Variants in SP1 observed in about 807,000 individuals in gnomAD.
SP1 encodes transcription factor Sp1.
A neutral mutation model predicts 66.3 loss-of-function variants in SP1; 6 were observed. The ratio of observed to expected loss-of-function variants is 0.09; its 90% CI spans 0.05 to 0.18. The LOEUF (loss-of-function observed/expected upper bound fraction) is 0.18. Ranked by LOEUF, SP1 falls within the 10% of genes least tolerant of loss-of-function variation. The probability of loss-of-function intolerance (pLI) is 1.00; values close to 1 mark genes in which losing one functional copy is unlikely to be tolerated. For missense variants in SP1, 848 were observed against 964.5 expected (o/e 0.88, Z 1.60); for synonymous variants, 417 against 360.8 (o/e 1.16, Z -1.77).
chr12:53,382,304 C>T lies in SP1; in HGVS notation c.357C>T (p.Thr119=), dbSNP rs754621329. The change falls in exon 3 of 6, where the codon ACC becomes ACT. Residue 119 remains threonine, a synonymous_variant. Coordinates refer to ENST00000327443, the MANE Select transcript of SP1 (RefSeq NM_138473.3). ...IISSSSGATP[T]SKEQSGSSTN... ...CTTCCTCCTCTGGGGCTACCCCTAC[C>T]TCAAAGGAACAGAGTGGCAGCAGTA... 6.2e-7 allele frequency: 1 copy of T among 1,614,202 alleles called. No homozygotes were observed. The highest frequency in any genetic ancestry group is 8.5e-7 in the Non-Finnish European group (1 of 1,180,036).
intron 3 of SP1, among the ~76,000 whole-genome samples, chr12:53,385,286 CCT>C (rs1938200588): frequency 7.5e-6 from 1 of 133,694 alleles, no homozygotes; most frequent in African/African-American, 2.8e-5. Context: ...AGAGCAAGAC[CCT>C]GTCTCAAAAA....
At position 53,406,658 on chromosome 12, in the gene SP1, G is replaced by A. The variant is rs754436857; in HGVS notation, c.1749G>A (p.Glu583=). ...TACATGATGACACAGCAGGTGGAGA[G>A]GAAGGAGAAAACAGCCCAGATGCCC... ...DGIHDDTAGG[E]EGENSPDAQP... is the part of the protein sequence containing the mutation. The change falls in exon 4 of 6, where the codon GAG becomes GAA. Residue 583 remains glutamate (E), a synonymous_variant. Coordinates refer to ENST00000327443, the MANE Select transcript of SP1 (RefSeq NM_138473.3). The A allele has an allele frequency of 1.9e-6, 3 of 1,614,104 alleles. No individual in the cohort carries two copies. The highest frequency in any genetic ancestry group is 1.7e-6 in the Non-Finnish European group (2 of 1,180,004).
chr12:53,400,187 C>G (rs1938579704), intron 3 of SP1, among the ~76,000 whole-genome samples: 2 of 152,232 alleles, frequency 1.3e-5, no homozygotes, highest in Non-Finnish European at 2.9e-5. Context: ...CGTTCACTCT[C>G]AGCCCCAAGC....
intron 1 of SP1, 137 bp from the exon 2 acceptor site, chr12:53,381,521 TC>T: frequency 1.4e-6 from 1 of 714,078 alleles, no homozygotes; most frequent in Non-Finnish European, 2.2e-6. Flanking sequence ...CCCTCTGCCC[TC>T]CAATCCATTT....
At chr12:53,406,074 T>TC (rs1296758025) in intron 3 of SP1, among the ~76,000 whole-genome samples, 2 of 139,302 alleles carry the variant, frequency 1.4e-5, no homozygotes, top group Non-Finnish European at 3.2e-5. Context: ...TCTTTTTTTT[T>TC]TTTTTTTTTT....
chr12:53,389,075 A>G (rs183817796), intron 3 of SP1, among the ~76,000 whole-genome samples: 1 of 152,204 alleles, frequency 6.6e-6, no homozygotes, highest in Admixed American at 6.6e-5. Flanking sequence ...GGTACGATGT[A>G]GAAAGAACAT....
rs953097049 is a variant in SP1, at chr12:53,413,081, T to C, written c.*1841T>C. 1 of 152,616 alleles carries C rather than the reference T, an allele frequency of 6.6e-6. No individual in the cohort carries two copies. Among genetic ancestry groups the C allele is most frequent in the Non-Finnish European group, 1.5e-5 (1 of 68,040 alleles). The allele number at this position is 152,616 out of a possible 1,614,324, so 9.5% of individuals were successfully genotyped here. A position where few individuals can be genotyped will look rare whatever the true frequency, so the allele number is the denominator to read the frequency against. ...GTGTTTTTGTATGTGTGGGTGAATGTGTGTTCATGCCCGTATATGTCTACA... is the reference window on the plus strand; with the variant it reads ...GTGTTTTTGTATGTGTGGGTGAATGCGTGTTCATGCCCGTATATGTCTACA... On this transcript the variant is annotated 3_prime_UTR_variant, in exon 6 of 6. Transcript: ENST00000327443.
At position 53,382,142 on chromosome 12, in the gene SP1, A is replaced by C; in HGVS notation, c.195A>C (p.Ala65=). Residue 65 remains alanine, a synonymous_variant, in exon 3 of 6, where the codon GCA becomes GCC. Transcript: ENST00000327443. ...ESQPSPLALL[A]ATCSRIESPN... The stretch of plus-strand genomic sequence containing the variant: ...AGCCATCCCCTTTGGCTCTGCTGGC[A>C]GCAACTTGCAGCAGAATTGAGTCAC... 1 of 1,614,090 alleles carries C rather than the reference A, an allele frequency of 6.2e-7. No homozygotes were observed. Among genetic ancestry groups the C allele is most frequent in the South Asian group, 1.1e-5 (1 of 91,078 alleles).
intron 1 of SP1, among the ~76,000 whole-genome samples, chr12:53,380,859 T>C (rs1014636310): frequency 4.0e-5 from 6 of 151,418 alleles, no homozygotes; most frequent in Admixed American, 1.3e-4. Flanking sequence ...CTTTAGTTCC[T>C]TAGCAGTATT....
chr12:53,389,155 A>G (rs1458994006), intron 3 of SP1, among the ~76,000 whole-genome samples: 1 of 151,748 alleles, frequency 6.6e-6, no homozygotes, highest in Non-Finnish European at 1.5e-5. Context: ...ATGATTGTGG[A>G]AGATTGCAGC....
At position 53,383,639 on chromosome 12, in the gene SP1, T is replaced by G; in HGVS notation, c.1675+17T>G. On this transcript the variant is annotated intron_variant, in intron 3 of 5. Transcript: ENST00000327443. ...ATGCCCCAGGTAAGATTTCCAATCT[T>G]GTGCATTTATTGGGAACCAACTCTA... The G allele has an allele frequency of 1.9e-6, 3 of 1,580,560 alleles. No homozygotes were observed. In the East Asian group the frequency reaches 6.7e-5, roughly 35 times the overall value.
chr12:53,405,383 G>A (rs934046359), intron 3 of SP1, among the ~76,000 whole-genome samples: 4 of 151,998 alleles, frequency 2.6e-5, no homozygotes, highest in Non-Finnish European at 5.9e-5. Context: ...GTCTCTTTCC[G>A]GCTGGACATG....
intron 3 of SP1, among the ~76,000 whole-genome samples, chr12:53,397,863 C>G (rs1180093741): frequency 6.6e-6 from 1 of 152,012 alleles, no homozygotes; most frequent in East Asian, 1.9e-4. Context: ...CGTAGATAAT[C>G]TTTTACTTGT....
At chr12:53,386,941 T>G (rs901947909) in intron 3 of SP1, among the ~76,000 whole-genome samples, 6 of 100,442 alleles carry the variant, frequency 6.0e-5, no homozygotes, top group African/African-American at 1.0e-4. Flanking sequence ...TCTAGGTTTG[T>G]TTTTTTTTTT....
chr12:53,399,223 A>G (rs1378641481), intron 3 of SP1, among the ~76,000 whole-genome samples: 1 of 152,210 alleles, frequency 6.6e-6, no homozygotes, highest in African/African-American at 2.4e-5. Context: ...ATCCTTATCA[A>G]ATATTTGATT....
intron 3 of SP1, among the ~76,000 whole-genome samples, chr12:53,400,663 A>G (rs963240735): frequency 9.2e-5 from 14 of 151,688 alleles, no homozygotes; most frequent in Non-Finnish European, 1.9e-4. Flanking sequence ...CTCTAGGCTC[A>G]CTGCAACCTC....
intron 4 of SP1, among the ~76,000 whole-genome samples, chr12:53,407,440 TCA>T (rs1164368860): frequency 1.3e-5 from 2 of 150,046 alleles, no homozygotes; most frequent in African/African-American, 4.9e-5. Flanking sequence ...CAATTCTGCC[TCA>T]GTCTCCCGAG....
At position 53,389,182 on chromosome 12, in the gene SP1, T is replaced by G. The variant is rs117573579; in HGVS notation, c.1675+5560T>G. Among the ~76,000 whole-genome samples, 1,498 of 151,920 alleles carry G rather than the reference T, an allele frequency of 9.9e-3. 20 individuals carry two copies. The highest frequency in any genetic ancestry group is 0.016 in the Non-Finnish European group (1,060 of 67,966). On this transcript the variant is annotated intron_variant, in intron 3 of 5. Transcript: ENST00000327443. ...GATTGCAGCTTCCATGGTGTTCACT[T>G]AGTCTGTTTACATTCATTATTTTTT...
At position 53,380,946 on chromosome 12, in the gene SP1, C is replaced by CTT. The variant is rs35296566; in HGVS notation, c.7+668_7+669dup. On this transcript the variant is annotated intron_variant, in intron 1 of 5. Transcript: ENST00000327443. ...TTTTCACACTTGGATTTTTGTTTGT[C>CTT]TTTTTTTTTTTTTTTTTTTTTGAGA... Among the ~76,000 whole-genome samples the CTT allele has an allele frequency of 7.6e-3, 765 of 100,768 alleles. 11 individuals are homozygous for CTT. The highest frequency in any genetic ancestry group is 0.011 in the African/African-American group (229 of 20,554). 66.1% of individuals were successfully genotyped at this position (100,768 alleles called of 152,430 possible).
Sources: gnomAD v4.1 joint callset for allele counts (sites outside exome capture counted in the v4.1 genomes callset) on GRCh38, gnomAD v4.1.1 for gene constraint, MANE v1.5 for transcripts, NCBI Gene and HGNC (gene_info 2026-07-23, HGNC 2026-07-21) for gene names.